Variants in SLIT2 observed in about 807,000 individuals in gnomAD.
SLIT2 encodes the protein slit guidance ligand 2, also known as slit homolog 2 protein.
SLIT2 carries 41 observed loss-of-function variants against 185.7 expected under a neutral mutation model. The ratio of observed to expected loss-of-function variants is 0.22; its 90% CI spans 0.17 to 0.29. The LOEUF is 0.29. Among genes scored for constraint, SLIT2 ranks in the 10% least tolerant of loss-of-function variants. The pLI, the probability that SLIT2 is intolerant of heterozygous loss-of-function variation, is 1.00. For missense variants in SLIT2, 1,571 were observed against 1,909.0 expected, an observed-to-expected ratio of 0.82 and a Z score of 3.30; for synonymous variants, 693 against 680.2, an observed-to-expected ratio of 1.02 and a Z score of -0.29.
chr4:20,315,033 A>T (rs891830849), intron 4 of SLIT2, among the ~76,000 whole-genome samples: 3 of 134,398 alleles, frequency 2.2e-5, no homozygotes, highest in Non-Finnish European at 4.8e-5. Context: ...TTATAATTAA[A>T]AATTATAAAC....
chr4:20,589,444 C>G (rs1261460319), intron 29 of SLIT2, among the ~76,000 whole-genome samples, 200 bp from the exon 30 acceptor site: 1 of 152,186 alleles, frequency 6.6e-6, no homozygotes, highest in Non-Finnish European at 1.5e-5. Context: ...AAAATCACAA[C>G]ACTACTTAGC....
intron 33 of SLIT2, among the ~76,000 whole-genome samples, chr4:20,603,821 T>C (rs1004027581): frequency 6.6e-6 from 1 of 152,192 alleles, no homozygotes; most frequent in Non-Finnish European, 1.5e-5. Context: ...CAACAAAGAT[T>C]ATCTTTGTAT....
intron 5 of SLIT2, among the ~76,000 whole-genome samples, chr4:20,473,630 G>A (rs973309364): frequency 3.3e-5 from 5 of 151,962 alleles, no homozygotes; most frequent in Admixed American, 6.6e-5. Flanking sequence ...GGCTCCATTA[G>A]AACCCATAGA....
chr4:20,599,417 A>G (rs1017875045), intron 33 of SLIT2, among the ~76,000 whole-genome samples: 2 of 152,082 alleles, frequency 1.3e-5, no homozygotes, highest in Non-Finnish European at 2.9e-5. Context: ...TTTTCCAGAT[A>G]AGTAACATAA....
chr4:20,370,822 G>A lies in SLIT2; in HGVS notation c.396-96930G>A, dbSNP rs553028424. Among the ~76,000 whole-genome samples, 376 of 152,188 alleles carry A rather than the reference G, an allele frequency of 2.5e-3. 1 individual carries two copies. The highest frequency in any genetic ancestry group is 0.024 in the Middle Eastern group (7 of 294). On this transcript the variant is annotated intron_variant, in intron 4 of 36. Transcript: ENST00000504154. ...GCTATACATTTTCCTGTAAAACAGAGGAAGTCCCAAATCCCATGGGTAGTT... is the reference window on the plus strand; with the variant it reads ...GCTATACATTTTCCTGTAAAACAGAAGAAGTCCCAAATCCCATGGGTAGTT...
chr4:20,457,037 T>A (rs1171304738), intron 4 of SLIT2, among the ~76,000 whole-genome samples: 2 of 152,120 alleles, frequency 1.3e-5, no homozygotes, highest in Non-Finnish European at 2.9e-5. Flanking sequence ...TAGATGACAT[T>A]TTCATATAAT....
chr4:20,307,874 CT>C (rs1717732244), intron 4 of SLIT2, among the ~76,000 whole-genome samples: 1 of 152,170 alleles, frequency 6.6e-6, no homozygotes, highest in Non-Finnish European at 1.5e-5. Flanking sequence ...TTGAGACCCA[CT>C]GCCTGTCCCC....
chr4:20,569,345 A>G, intron 29 of SLIT2: 1 of 242,328 alleles, frequency 4.1e-6, no homozygotes, highest in Non-Finnish European at 8.1e-6. Context: ...CTGTGTGTAA[A>G]GAGGACATTT....
chr4:20,468,185 T>C (rs1560448797), intron 5 of SLIT2, among the ~76,000 whole-genome samples: 1 of 152,094 alleles, frequency 6.6e-6, no homozygotes, highest in Non-Finnish European at 1.5e-5. Context: ...GAAACAAAAC[T>C]GTTAGTTTTA....
intron 5 of SLIT2, among the ~76,000 whole-genome samples, chr4:20,479,481 C>T (rs1577743151): frequency 6.6e-6 from 1 of 152,118 alleles, no homozygotes; most frequent in East Asian, 1.9e-4. Flanking sequence ...CATCCACATT[C>T]TCTCACCCAG....
chr4:20,280,240 G>A (rs1714596787), intron 4 of SLIT2, among the ~76,000 whole-genome samples: 1 of 151,248 alleles, frequency 6.6e-6, no homozygotes, highest in African/African-American at 2.4e-5. Context: ...GGCTGAGGCA[G>A]GAGAATGGCG....
intron 12 of SLIT2, among the ~76,000 whole-genome samples, chr4:20,521,321 C>G (rs1327525171): frequency 6.6e-6 from 1 of 152,198 alleles, no homozygotes; most frequent in Admixed American, 6.5e-5. Context: ...TATCTCTTTA[C>G]AGCTAGCTGA....
At chr4:20,353,959 AT>A (rs1722093934) in intron 4 of SLIT2, among the ~76,000 whole-genome samples, 1 of 152,204 alleles carries the variant, frequency 6.6e-6, no homozygotes, top group Non-Finnish European at 1.5e-5. Context: ...ATAATAAAGT[AT>A]ACTTCCCATA....
chr4:20,594,393 A>ATG (rs1224576472), intron 30 of SLIT2, among the ~76,000 whole-genome samples: 3 of 151,610 alleles, frequency 2.0e-5, no homozygotes, highest in South Asian at 2.1e-4. Flanking sequence ...ATGTATGTGT[A>ATG]TGTGTGTGTA....
At chr4:20,351,596 C>T (rs756882887) in intron 4 of SLIT2, among the ~76,000 whole-genome samples, 1 of 152,098 alleles carries the variant, frequency 6.6e-6, no homozygotes, top group Non-Finnish European at 1.5e-5. Context: ...TGACAACCTC[C>T]ACTTACAAAG....
chr4:20,366,331 C>A lies in SLIT2; in HGVS notation c.395+97450C>A, dbSNP rs13102010. On this transcript the variant is annotated intron_variant, in intron 4 of 36. Coordinates refer to ENST00000504154, the MANE Select transcript of SLIT2 (RefSeq NM_004787.4). ...TTAGCTTACCTGACTTCTCATTATGCCAGAGTCAAGGAATTCCTTTCTACA... is the reference window on the plus strand; with the variant it reads ...TTAGCTTACCTGACTTCTCATTATGACAGAGTCAAGGAATTCCTTTCTACA... Among the ~76,000 whole-genome samples the A allele has an allele frequency of 6.7e-3, 1,024 of 152,184 alleles. 9 individuals are homozygous for A. The highest frequency in any genetic ancestry group is 0.011 in the Non-Finnish European group (762 of 67,990).
At chr4:20,289,611 A>T (rs1283508768) in intron 4 of SLIT2, among the ~76,000 whole-genome samples, 1 of 152,214 alleles carries the variant, frequency 6.6e-6, no homozygotes, top group Non-Finnish European at 1.5e-5. Context: ...CCTATGGTGC[A>T]GATGCTATTT....
rs376927314 is a variant in SLIT2 at position 20,550,793 on chromosome 4, T to C, written c.2490-34T>C. 2.5e-5 allele frequency: 34 copies of C among 1,355,354 alleles called. No individual in the cohort carries two copies. In the African/African-American group the frequency reaches 3.7e-4, roughly 15 times the overall value. The allele number at this position is 1,355,354 out of a possible 1,614,324, so 84.0% of individuals were successfully genotyped here. Reference sequence around the variant, plus strand: ...TCTGGAGTCTATGAGTTCAGAAATATAGGAAGTTTAATTTTTCTTTTTCTT... The same window carrying C: ...TCTGGAGTCTATGAGTTCAGAAATACAGGAAGTTTAATTTTTCTTTTTCTT... On this transcript the variant is annotated intron_variant, in intron 24 of 36. Coordinates refer to ENST00000504154, the MANE Select transcript of SLIT2 (RefSeq NM_004787.4).
intron 30 of SLIT2, among the ~76,000 whole-genome samples, chr4:20,591,616 A>G (rs1020071436): frequency 3.3e-5 from 5 of 151,910 alleles, no homozygotes; most frequent in Non-Finnish European, 5.9e-5. Context: ...ACTTTACATT[A>G]TATTTTATTC....
Sources: allele counts gnomAD v4.1 joint callset (sites outside exome capture counted in the v4.1 genomes callset), GRCh38; gene constraint gnomAD v4.1.1; transcripts MANE v1.5; gene names NCBI Gene and HGNC (gene_info 2026-07-23, HGNC 2026-07-21).